NREP: variants seen among roughly 807,000 people sequenced by gnomAD.
The protein encoded by NREP is neuronal regeneration related protein.
NREP carries 5 observed loss-of-function variants against 8.6 expected under a neutral mutation model. The ratio of observed to expected loss-of-function variants is 0.58; its 90% confidence interval spans 0.30 to 1.22. The LOEUF (loss-of-function observed/expected upper bound fraction) is 1.22. Among genes scored for constraint, NREP ranks in the 50% most tolerant of loss-of-function variants. The probability of loss-of-function intolerance (pLI) is 0.07; values close to 1 mark genes in which losing one functional copy is unlikely to be tolerated. For missense variants in NREP, 86 were observed against 82.5 expected, an observed-to-expected ratio of 1.04 and a Z score of -0.17; for synonymous variants, 27 against 28.0, an observed-to-expected ratio of 0.96 and a Z score of 0.11.
At position 111,929,399 on chromosome 5, in the gene NREP, C is replaced by T. The variant is rs147732216; in HGVS notation, c.135+45875G>A. ...GAGCTACTGAGTCCTTGGTTCTTTACCTACCATGGTAGGAAGCCTAAGGGC... is the reference window on the plus strand; with the variant it reads ...GAGCTACTGAGTCCTTGGTTCTTTATCTACCATGGTAGGAAGCCTAAGGGC... On this transcript the variant is annotated intron_variant, in intron 2 of 3. Coordinates refer to the NREP transcript ENST00000395634. Among the ~76,000 whole-genome samples, 663 of 152,334 alleles carry T rather than the reference C, an allele frequency of 4.4e-3. 4 individuals are homozygous for T. The highest frequency in any genetic ancestry group is 0.015 in the African/African-American group (630 of 41,582).
intron 2 of NREP, among the ~76,000 whole-genome samples, chr5:111,891,154 G>T (rs369459313): frequency 6.6e-6 from 1 of 152,148 alleles, no homozygotes; most frequent in African/African-American, 2.4e-5. Context: ...TAGAACACTT[G>T]GCTGCTTAGA....
intron 1 of NREP, among the ~76,000 whole-genome samples, chr5:111,975,705 T>G (rs1283190200): frequency 3.9e-5 from 6 of 152,224 alleles, no homozygotes; most frequent in African/African-American, 1.4e-4. Flanking sequence ...ATTAAAATTT[T>G]CAAATGCCAT....
At chr5:111,749,157 T>C (rs1308952075) in intron 2 of NREP, among the ~76,000 whole-genome samples, 1 of 152,112 alleles carries the variant, frequency 6.6e-6, no homozygotes, top group Non-Finnish European at 1.5e-5. Flanking sequence ...TTAATTCATA[T>C]AGTTCCTGGC....
intron 2 of NREP, among the ~76,000 whole-genome samples, chr5:111,775,617 G>A (rs1023988403): frequency 6.6e-6 from 1 of 152,062 alleles, no homozygotes; most frequent in Non-Finnish European, 1.5e-5. Flanking sequence ...TATATTTAGA[G>A]CATAATTTTT....
intron 2 of NREP, among the ~76,000 whole-genome samples, chr5:111,946,563 C>T (rs1383665163): frequency 6.6e-6 from 1 of 151,830 alleles, no homozygotes; most frequent in African/African-American, 2.4e-5. Flanking sequence ...TTGGTCATTT[C>T]CTCCCCTCCT....
intron 2 of NREP, among the ~76,000 whole-genome samples, chr5:111,924,223 G>A (rs1440695305): frequency 1.3e-5 from 2 of 152,154 alleles, no homozygotes; most frequent in Non-Finnish European, 2.9e-5. Flanking sequence ...AAGGGCCTTG[G>A]TGCCTTCCAG....
intron 2 of NREP, among the ~76,000 whole-genome samples, chr5:111,765,442 AAAGCAGGCATTC>A (rs1751058359): frequency 6.6e-6 from 1 of 152,196 alleles, no homozygotes; most frequent in South Asian, 2.1e-4. Context: ...AGTTGCATTT[AAAGCAGGCATTC>A]TCCGTGTACA....
intron 2 of NREP, among the ~76,000 whole-genome samples, chr5:111,840,644 G>T (rs1474845021): frequency 6.6e-6 from 1 of 152,096 alleles, no homozygotes. Context: ...TCACTCTTTA[G>T]AAAGCTGTCT....
chr5:111,957,744 T>C (rs1001339225), intron 2 of NREP, among the ~76,000 whole-genome samples: 35 of 151,914 alleles, frequency 2.3e-4, no homozygotes, highest in Admixed American at 2.0e-3. Context: ...ATTTTATATA[T>C]GTAAGGTATG....
At chr5:111,892,864 A>C (rs1561714345) in intron 2 of NREP, among the ~76,000 whole-genome samples, 1 of 152,192 alleles carries the variant, frequency 6.6e-6, no homozygotes, top group Non-Finnish European at 1.5e-5. Flanking sequence ...ATCTGAGGGT[A>C]GTGGATCTTT....
chr5:111,841,013 T>C (rs1753017809), intron 2 of NREP, among the ~76,000 whole-genome samples: 1 of 120,758 alleles, frequency 8.3e-6, no homozygotes, highest in Non-Finnish European at 1.8e-5. Flanking sequence ...CTTAAGTTTG[T>C]TTCTTCTGAA....
At chr5:111,754,593 A>G (rs964843501) in intron 2 of NREP, among the ~76,000 whole-genome samples, 1 of 152,210 alleles carries the variant, frequency 6.6e-6, no homozygotes. Context: ...GAAGTTGGGA[A>G]CCATTTGCAC....
chr5:111,801,098 G>A (rs1309073963), intron 2 of NREP, among the ~76,000 whole-genome samples: 1 of 152,210 alleles, frequency 6.6e-6, no homozygotes, highest in South Asian at 2.1e-4. Flanking sequence ...TTGTCCTTGA[G>A]AAAGACATTC....
chr5:111,926,560 G>T lies in NREP; in HGVS notation c.135+48714C>A, dbSNP rs746844038. On this transcript the variant is annotated intron_variant, in intron 2 of 3. Coordinates refer to the NREP transcript ENST00000395634. ...AGACTTCCCTTAGAAGGTCAGGTTT[G>T]TCTGTCCCCAAGCTGGTAAGGCCGC... Among the ~76,000 whole-genome samples the T allele has an allele frequency of 5.3e-5, 8 of 152,174 alleles. No homozygotes were observed. In the Middle Eastern group the frequency reaches 0.014, roughly 259 times the overall value.
At chr5:111,815,262 C>T (rs1377904955) in intron 2 of NREP, among the ~76,000 whole-genome samples, 2 of 152,120 alleles carry the variant, frequency 1.3e-5, no homozygotes, top group Non-Finnish European at 2.9e-5. Flanking sequence ...AGGACTATTC[C>T]TTAGGAATAA....
upstream of NREP, chr5:111,758,314 C>T: frequency 7.4e-6 from 7 of 950,102 alleles, no homozygotes; most frequent in Non-Finnish European, 8.8e-6. Flanking sequence ...GTGCTTCCTT[C>T]TCCTTCCCTA....
intron 2 of NREP, among the ~76,000 whole-genome samples, chr5:111,916,462 C>G (rs1369319319): frequency 1.3e-5 from 2 of 152,090 alleles, no homozygotes; most frequent in Admixed American, 1.3e-4. Flanking sequence ...TAGACCTTCC[C>G]CAGTCCTAGA....
At chr5:111,742,882 C>G (rs1240400530) in intron 2 of NREP, among the ~76,000 whole-genome samples, 1 of 152,104 alleles carries the variant, frequency 6.6e-6, no homozygotes, top group Non-Finnish European at 1.5e-5. Flanking sequence ...AGTCACTGAT[C>G]GAGGAATTCT....
chr5:111,782,627 T>C (rs1751518928), intron 2 of NREP, among the ~76,000 whole-genome samples: 1 of 152,158 alleles, frequency 6.6e-6, no homozygotes, highest in Admixed American at 6.5e-5. Context: ...CTAAATATAA[T>C]ATTTTGATGA....
Sources: allele counts gnomAD v4.1 joint callset (sites outside exome capture counted in the v4.1 genomes callset), GRCh38; gene constraint gnomAD v4.1.1; transcripts MANE v1.5; gene names NCBI Gene and HGNC (gene_info 2026-07-23, HGNC 2026-07-21).